The following DCDC1 variants were observed in gnomAD, a reference collection of about 807,000 sequenced individuals.
DCDC1 encodes the protein doublecortin domain-containing protein 1.
A neutral mutation model predicts 178.3 loss-of-function variants in DCDC1; 200 were observed. The ratio of observed to expected loss-of-function variants is 1.12; its 90% CI spans 1.00 to 1.26. DCDC1 has a LOEUF of 1.26. Ranked by LOEUF, DCDC1 falls within the 50% of genes most tolerant of loss-of-function variation. DCDC1 has a pLI of 0.00. For missense variants in DCDC1, 1,983 were observed against 1,749.2 expected (o/e 1.13, Z -2.38); for synonymous variants, 690 against 604.8 (o/e 1.14, Z -2.07).
intron 9 of DCDC1, among the ~76,000 whole-genome samples, chr11:31,146,410 G>C (rs1964463118): frequency 6.6e-6 from 1 of 152,042 alleles, no homozygotes; most frequent in African/African-American, 2.4e-5. Context: ...AGTTATTTTA[G>C]GTCATGATTT....
intron 20 of DCDC1, among the ~76,000 whole-genome samples, chr11:31,019,575 T>A (rs932884839): frequency 8.5e-5 from 13 of 152,312 alleles, no homozygotes; most frequent in South Asian, 4.1e-4. Context: ...TATATTTTTT[T>A]AAAATCCTTT....
chr11:31,289,889 C>T (rs1232440690), intron 7 of DCDC1, among the ~76,000 whole-genome samples: 3 of 151,752 alleles, frequency 2.0e-5, no homozygotes, highest in Non-Finnish European at 4.4e-5. Context: ...CAACCCTAGG[C>T]GTTTGGTTAT....
chr11:31,222,488 C>T (rs750437483), intron 9 of DCDC1, among the ~76,000 whole-genome samples: 2 of 152,208 alleles, frequency 1.3e-5, no homozygotes, highest in African/African-American at 4.8e-5. Flanking sequence ...AGTTCCAAAG[C>T]CACTTCCACA....
At chr11:31,364,132 A>C (rs1342917521) in intron 1 of DCDC1, among the ~76,000 whole-genome samples, 1 of 152,216 alleles carries the variant, frequency 6.6e-6, no homozygotes, top group African/African-American at 2.4e-5. Context: ...TGTTCTGAGC[A>C]CAATTAAAGT....
intron 36 of DCDC1, among the ~76,000 whole-genome samples, chr11:30,881,550 T>C (rs1185585527): frequency 3.9e-5 from 6 of 152,154 alleles, no homozygotes; most frequent in Non-Finnish European, 5.9e-5. Flanking sequence ...TATTTTTTCA[T>C]GGAATAAGGC....
intron 20 of DCDC1, among the ~76,000 whole-genome samples, chr11:31,032,779 T>C (rs1393154380): frequency 6.6e-6 from 1 of 152,214 alleles, no homozygotes; most frequent in Middle Eastern, 3.2e-3. Flanking sequence ...TTCCTTTTCT[T>C]ATTTTAATTA....
chr11:31,016,999 T>G (rs972312104), intron 20 of DCDC1, among the ~76,000 whole-genome samples: 1 of 152,218 alleles, frequency 6.6e-6, no homozygotes, highest in Non-Finnish European at 1.5e-5. Flanking sequence ...ATTGTTTGAT[T>G]GTCCAGTCAT....
intron 38 of DCDC1, among the ~76,000 whole-genome samples, chr11:30,871,562 A>G (rs1270269413): frequency 6.6e-6 from 1 of 152,070 alleles, no homozygotes; most frequent in Non-Finnish European, 1.5e-5. Flanking sequence ...CTATCTATCT[A>G]TCTATCTCCC....
At chr11:31,188,727 T>C (rs1191449763) in intron 9 of DCDC1, among the ~76,000 whole-genome samples, 1 of 152,170 alleles carries the variant, frequency 6.6e-6, no homozygotes, top group Non-Finnish European at 1.5e-5. Context: ...CTACAATGTA[T>C]TTATAGTTCA....
chr11:31,199,039 T>C lies in DCDC1; in HGVS notation c.1221+42411A>G, dbSNP rs143127077. Among the ~76,000 whole-genome samples the C allele has an allele frequency of 2.0e-5, 3 of 152,048 alleles. No individual in the cohort carries two copies. The East Asian group carries it at 5.8e-4, about 29-fold the overall frequency. On this transcript the variant is annotated intron_variant, in intron 9 of 38. Transcript: ENST00000684477. ...TGATTTTATTTTTATTCAGAGGAGG[T>C]ATTTTGATTTAATGGAGACTCAAGC...
chr11:31,158,976 A>G (rs988904910), intron 9 of DCDC1, among the ~76,000 whole-genome samples: 1 of 152,112 alleles, frequency 6.6e-6, no homozygotes, highest in East Asian at 1.9e-4. Context: ...CCAACAAAAA[A>G]CATACCAATA....
intron 6 of DCDC1, among the ~76,000 whole-genome samples, chr11:31,294,810 G>GAA (rs1250781762): frequency 2.0e-5 from 1 of 48,960 alleles, no homozygotes; most frequent in African/African-American, 7.6e-5. Flanking sequence ...AAGAAAGAAA[G>GAA]AAAGAAAGAA....
At chr11:31,183,143 A>G (rs1445930478) in intron 9 of DCDC1, among the ~76,000 whole-genome samples, 1 of 152,172 alleles carries the variant, frequency 6.6e-6, no homozygotes, top group African/African-American at 2.4e-5. Flanking sequence ...ACTCCCACAC[A>G]ATAATAGTGA....
chr11:31,115,580 C>T (rs545394617), intron 11 of DCDC1, among the ~76,000 whole-genome samples: 1 of 152,206 alleles, frequency 6.6e-6, no homozygotes, highest in East Asian at 1.9e-4. Flanking sequence ...TATAAAATAG[C>T]CACACAAAAC....
chr11:31,234,184 T>C lies in DCDC1; in HGVS notation c.1221+7266A>G, dbSNP rs150067166. Among the ~76,000 whole-genome samples, 545 of 152,312 alleles carry C rather than the reference T, an allele frequency of 3.6e-3. 1 individual carries two copies. Among genetic ancestry groups the C allele is most frequent in the Non-Finnish European group, 6.7e-3 (458 of 68,032 alleles). ...TGGCTATGTTCAGAAACTTCAAATATTTTAGAAATGTAACAGGATACTGAT... is the reference window on the plus strand; with the variant it reads ...TGGCTATGTTCAGAAACTTCAAATACTTTAGAAATGTAACAGGATACTGAT... On this transcript the variant is annotated intron_variant, in intron 9 of 38. Transcript: ENST00000684477.
intron 12 of DCDC1, among the ~76,000 whole-genome samples, chr11:31,107,275 G>A (rs1366400635): frequency 6.6e-6 from 1 of 152,098 alleles, no homozygotes; most frequent in African/African-American, 2.4e-5. Flanking sequence ...CATGGTAACG[G>A]TCCTCTTTGA....
intron 12 of DCDC1, among the ~76,000 whole-genome samples, chr11:31,107,172 G>C (rs1372952543): frequency 6.6e-6 from 1 of 152,142 alleles, no homozygotes; most frequent in African/African-American, 2.4e-5. Context: ...ACCAGCAGGG[G>C]GGGCCACAGG....
At chr11:31,025,499 A>T (rs1026753043) in intron 20 of DCDC1, among the ~76,000 whole-genome samples, 1 of 151,876 alleles carries the variant, frequency 6.6e-6, no homozygotes, top group Non-Finnish European at 1.5e-5. Flanking sequence ...TTGAGCACAG[A>T]GGAGTAAAAT....
In DCDC1 at chr11:31,136,326, CT is replaced by C. The variant is rs551154329; in HGVS notation, c.1314+1365del. Among the ~76,000 whole-genome samples, 30 of 152,088 alleles carry C rather than the reference CT, an allele frequency of 2.0e-4. No homozygotes were observed. The East Asian group carries it at 5.0e-3, about 25-fold the overall frequency. On this transcript the variant is annotated intron_variant, in intron 10 of 38. Transcript: ENST00000684477. ...ACTATAATTTAAATCTGTGTAATTG[CT>C]ATTTATTACATTTTAGAAATGGTTT...
Sources: gnomAD v4.1 joint callset for allele counts (sites outside exome capture counted in the v4.1 genomes callset) on GRCh38, gnomAD v4.1.1 for gene constraint, MANE v1.5 for transcripts, NCBI Gene and HGNC (gene_info 2026-07-23, HGNC 2026-07-21) for gene names.